Variants in CSMD1 observed in about 807,000 individuals in gnomAD.
The protein encoded by CSMD1 is CUB and Sushi multiple domains 1.
In CSMD1, 213 loss-of-function variants were observed where a neutral mutation model predicts 417.5. The observed-to-expected ratio is 0.51, with a 90% confidence interval of 0.46 to 0.57. CSMD1 has a LOEUF of 0.57. CSMD1 is among the 20% of genes least tolerant of loss of function. The pLI is 0.00. For synonymous variants in CSMD1, 2,862 were observed against 1,736.8 expected (o/e 1.65, Z -16.11); for missense variants, 6,923 against 4,529.7 (o/e 1.53, Z -15.17).
intron 5 of CSMD1, among the ~76,000 whole-genome samples, chr8:3,818,749 G>C (rs779137497): frequency 2.6e-5 from 4 of 152,188 alleles, no homozygotes; most frequent in South Asian, 2.1e-4. Context: ...AAGATAGACA[G>C]ATGGTGTTAA....
At chr8:4,073,058 T>C (rs1259998511) in intron 3 of CSMD1, among the ~76,000 whole-genome samples, 1 of 152,206 alleles carries the variant, frequency 6.6e-6, no homozygotes, top group African/African-American at 2.4e-5. Context: ...TGATAGTCAA[T>C]ATTCATTCTG....
At chr8:3,633,745 C>T (rs1339865422) in intron 7 of CSMD1, among the ~76,000 whole-genome samples, 3 of 152,042 alleles carry the variant, frequency 2.0e-5, no homozygotes, top group African/African-American at 7.3e-5. Flanking sequence ...CACTGATTTC[C>T]CTTCAGCAAC....
At chr8:3,923,052 T>C (rs1809386588) in intron 5 of CSMD1, among the ~76,000 whole-genome samples, 1 of 152,184 alleles carries the variant, frequency 6.6e-6, no homozygotes, top group African/African-American at 2.4e-5. Flanking sequence ...CAAAAACAAG[T>C]TGACCCTTTT....
At chr8:3,598,950 G>T (rs1366219730) in intron 8 of CSMD1, among the ~76,000 whole-genome samples, 2 of 152,092 alleles carry the variant, frequency 1.3e-5, no homozygotes, top group Non-Finnish European at 2.9e-5. Flanking sequence ...GCATGGTGGA[G>T]TGCACCTGTA....
chr8:4,357,410 C>T (rs1430490466), intron 3 of CSMD1, among the ~76,000 whole-genome samples: 5 of 152,134 alleles, frequency 3.3e-5, no homozygotes, highest in Admixed American at 3.3e-4. Context: ...ATATTTACTC[C>T]AAGGCCAGAA....
intron 11 of CSMD1, among the ~76,000 whole-genome samples, chr8:3,486,714 C>T (rs1818055521): frequency 6.6e-6 from 1 of 152,216 alleles, no homozygotes; most frequent in Non-Finnish European, 1.5e-5. Flanking sequence ...CTTCTTCTTC[C>T]CTGTAGGAAG....
At chr8:4,003,665 C>G (rs1240716753) in intron 4 of CSMD1, among the ~76,000 whole-genome samples, 1 of 152,078 alleles carries the variant, frequency 6.6e-6, no homozygotes, top group Non-Finnish European at 1.5e-5. Context: ...AAGAGTAAAA[C>G]TGATCTAGTT....
rs34875542 is a variant in CSMD1 at position 3,772,470 on chromosome 8, CATAT to C, written c.819-18432_819-18429del. On this transcript the variant is annotated intron_variant, in intron 5 of 69. Coordinates refer to ENST00000635120, the MANE Select transcript of CSMD1 (RefSeq NM_033225.6). ...ATACACATATATATACATATATACA[CATAT>C]ATATACATATATACACATATATACA... Among the ~76,000 whole-genome samples the C allele has an allele frequency of 7.8e-4, 30 of 38,614 alleles. 2 individuals are homozygous for C. The highest frequency in any genetic ancestry group is 2.9e-3 in the Admixed American group (12 of 4,184). 25.3% of individuals were successfully genotyped at this position (38,614 alleles called of 152,430 possible).
intron 1 of CSMD1, among the ~76,000 whole-genome samples, chr8:4,857,074 C>T (rs1447231582): frequency 2.0e-5 from 3 of 149,020 alleles, no homozygotes; most frequent in Non-Finnish European, 4.5e-5. Context: ...ATCTCTCAGA[C>T]CACAGTGCAA....
At position 3,923,042 on chromosome 8, in the gene CSMD1, C is replaced by T. The variant is rs539593011; in HGVS notation, c.818+74861G>A. 3.3e-5 allele frequency among the ~76,000 whole-genome samples: 5 copies of T among 152,220 alleles called. No homozygotes were observed. In the East Asian group the frequency reaches 9.7e-4, roughly 29 times the overall value. ...GTTATTGAAAAACAACAGACAATTG[C>T]AAAAACAAGTTGACCCTTTTGTGTT... On this transcript the variant is annotated intron_variant, in intron 5 of 69. Coordinates refer to ENST00000635120, the MANE Select transcript of CSMD1 (RefSeq NM_033225.6).
chr8:4,275,650 C>T (rs2128855395), intron 3 of CSMD1, among the ~76,000 whole-genome samples: 1 of 152,132 alleles, frequency 6.6e-6, no homozygotes, highest in East Asian at 1.9e-4. Flanking sequence ...CCTAAAAATG[C>T]AAATAATGCA....
At chr8:3,036,125 A>C (rs918277750) in intron 50 of CSMD1, among the ~76,000 whole-genome samples, 4 of 152,246 alleles carry the variant, frequency 2.6e-5, no homozygotes, top group African/African-American at 7.2e-5. Flanking sequence ...TTCAGCAACA[A>C]CACAAAATAC....
chr8:3,507,713 G>A (rs1796888215), intron 10 of CSMD1, among the ~76,000 whole-genome samples: 1 of 152,176 alleles, frequency 6.6e-6, no homozygotes, highest in Admixed American at 6.5e-5. Flanking sequence ...GGTATGAGAT[G>A]GTATCTCACT....
chr8:4,113,223 G>T (rs1308496835), intron 3 of CSMD1, among the ~76,000 whole-genome samples: 1 of 151,852 alleles, frequency 6.6e-6, no homozygotes, highest in African/African-American at 2.4e-5. Flanking sequence ...TCCTACAGTG[G>T]CTCCTATGTG....
intron 1 of CSMD1, among the ~76,000 whole-genome samples, chr8:4,933,291 G>C (rs1364988586): frequency 6.6e-6 from 1 of 152,074 alleles, no homozygotes; most frequent in African/African-American, 2.4e-5. Context: ...TCTCTCAGAG[G>C]AGCACAACCT....
chr8:4,203,701 AACATACACACACAT>A (rs1191896266), intron 3 of CSMD1, among the ~76,000 whole-genome samples: 2 of 152,028 alleles, frequency 1.3e-5, no homozygotes, highest in Non-Finnish European at 2.9e-5. Flanking sequence ...CACACACACA[AACATACACACACAT>A]ACACATCTGC....
intron 12 of CSMD1, among the ~76,000 whole-genome samples, chr8:3,452,410 T>C (rs1420242895): frequency 2.0e-5 from 3 of 152,194 alleles, no homozygotes; most frequent in Non-Finnish European, 4.4e-5. Flanking sequence ...TGAAAGGGAA[T>C]GCTTCCAGTT....
In CSMD1 at chr8:4,315,758, C is replaced by G. The variant is rs577470921; in HGVS notation, c.415+104195G>C. 2.6e-5 allele frequency among the ~76,000 whole-genome samples: 4 copies of G among 152,182 alleles called. No individual in the cohort carries two copies. The South Asian group carries it at 8.3e-4, about 32-fold the overall frequency. On this transcript the variant is annotated intron_variant, in intron 3 of 69. Coordinates refer to ENST00000635120, the MANE Select transcript of CSMD1 (RefSeq NM_033225.6). Reference sequence around the variant, plus strand: ...AAAGAAACTGAATGAAAGCAACTAGCTGGTCATTTCATTTCAAAACATATT... The same window carrying G: ...AAAGAAACTGAATGAAAGCAACTAGGTGGTCATTTCATTTCAAAACATATT...
At chr8:4,197,882 G>C (rs551369994) in intron 3 of CSMD1, among the ~76,000 whole-genome samples, 3 of 152,086 alleles carry the variant, frequency 2.0e-5, no homozygotes, top group East Asian at 1.9e-4. Context: ...CCATCTAAAA[G>C]TTAAGAAGAA....
Sources: allele counts gnomAD v4.1 joint callset (sites outside exome capture counted in the v4.1 genomes callset), GRCh38; gene constraint gnomAD v4.1.1; transcripts MANE v1.5; gene names NCBI Gene and HGNC (gene_info 2026-07-23, HGNC 2026-07-21).